EEF1E1: variants seen among roughly 807,000 people sequenced by gnomAD.
The protein encoded by EEF1E1 is eukaryotic translation elongation factor 1 epsilon 1.
EEF1E1 carries 19 observed loss-of-function variants against 19.9 expected under a neutral mutation model. The ratio of observed to expected loss-of-function variants is 0.95; its 90% CI spans 0.66 to 1.40. EEF1E1 has a LOEUF of 1.40. Among genes scored for constraint, EEF1E1 ranks in the 40% most tolerant of loss-of-function variants. EEF1E1 has a pLI of 0.00. For synonymous variants in EEF1E1, 81 were observed against 80.0 expected (o/e 1.01, Z -0.07); for missense variants, 198 against 202.2 (o/e 0.98, Z 0.13).
rs544763906 is a variant in EEF1E1 at position 8,097,541 on chromosome 6, C to T, written c.88-74G>A. ...CATGATTATAACTTCTAAGTAACCA[C>T]GAAATCCCTCAAGTGTTTTTTGAAA... is the stretch of plus-strand genomic sequence containing the variant. On this transcript the variant is annotated intron_variant, in intron 1 of 3. Transcript: ENST00000379715. The T allele has an allele frequency of 3.3e-5, 38 of 1,164,556 alleles. 1 individual carries two copies. The highest frequency in any genetic ancestry group is 2.0e-4 in the South Asian group (14 of 68,652). The allele number at this position is 1,164,556 out of a possible 1,614,324, so 72.1% of individuals were successfully genotyped here.
rs75397445 is a variant in EEF1E1 at position 8,087,860 on chromosome 6, G to A, written c.384+2326C>T. Among the ~76,000 whole-genome samples, 271 of 152,314 alleles carry A rather than the reference G, an allele frequency of 1.8e-3. 3 individuals are homozygous for A. The highest frequency in any genetic ancestry group is 6.3e-3 in the African/African-American group (260 of 41,568). On this transcript the variant is annotated intron_variant, in intron 3 of 3. Transcript: ENST00000379715. ...TCAGGATCTGATTGACTGGATGCATGAGGTGCACAATGCACAAAAACACAT... is the reference window on the plus strand; with the variant it reads ...TCAGGATCTGATTGACTGGATGCATAAGGTGCACAATGCACAAAAACACAT...
At chr6:8,083,461 A>G (rs757343360) in intron 3 of EEF1E1, among the ~76,000 whole-genome samples, 2 of 152,242 alleles carry the variant, frequency 1.3e-5, no homozygotes, top group Non-Finnish European at 2.9e-5. Flanking sequence ...ATCTTGAGTA[A>G]CAGTCTGTTC....
rs758701875 is a variant in EEF1E1, at chr6:8,102,543, A to C, written c.-22T>G. ...CCATCTTCCGGCCGTAGCTCCTGGC[A>C]GACGCGAGACCTGCAGAACAAGAAC... On this transcript the variant is annotated 5_prime_UTR_variant, in exon 1 of 4. Transcript: ENST00000379715. 37 of 1,606,808 alleles carry C rather than the reference A, an allele frequency of 2.3e-5. No homozygotes were observed. The highest frequency in any genetic ancestry group is 3.1e-5 in the Non-Finnish European group (36 of 1,179,438).
chr6:8,088,859 G>A (rs1465547072), intron 3 of EEF1E1, among the ~76,000 whole-genome samples: 3 of 152,036 alleles, frequency 2.0e-5, no homozygotes, highest in African/African-American at 7.3e-5. Context: ...ATGGAGGAAG[G>A]CTCGGTGATA....
chr6:8,092,486 A>G (rs989970897), intron 2 of EEF1E1, among the ~76,000 whole-genome samples: 6 of 152,192 alleles, frequency 3.9e-5, no homozygotes, highest in African/African-American at 1.4e-4. Flanking sequence ...ACAGTCAGTC[A>G]TTTTCAAAAT....
intron 3 of EEF1E1, among the ~76,000 whole-genome samples, chr6:8,074,345 G>A (rs940522452): frequency 5.3e-5 from 8 of 152,194 alleles, no homozygotes; most frequent in African/African-American, 1.9e-4. Flanking sequence ...ACTTTTCTCA[G>A]TCAGCTCAAA....
downstream of EEF1E1, among the ~76,000 whole-genome samples, chr6:8,075,451 T>C (rs916048721): frequency 3.3e-5 from 5 of 152,184 alleles, no homozygotes; most frequent in African/African-American, 1.2e-4. Context: ...TTGCACAAAT[T>C]TTTCAGTTCC....
At chr6:8,080,823 G>A (rs189466072) in intron 3 of EEF1E1, among the ~76,000 whole-genome samples, 47 of 152,326 alleles carry the variant, frequency 3.1e-4, no homozygotes, top group East Asian at 2.5e-3. Flanking sequence ...TTAACAGATA[G>A]TGCAAGTCTC....
chr6:8,095,496 C>T (rs1374817088), intron 2 of EEF1E1: 1 of 209,458 alleles, frequency 4.8e-6, no homozygotes, highest in Non-Finnish European at 1.0e-5. Context: ...GAGTGAGAAC[C>T]TGTGACAAAA....
At chr6:8,101,263 T>A (rs370548598) in intron 1 of EEF1E1, among the ~76,000 whole-genome samples, 7,041 of 87,052 alleles carry the variant, frequency 0.081, 883 homozygotes, top group Non-Finnish European at 0.11. Context: ...TATATATATA[T>A]ATATATATAT....
downstream of EEF1E1, among the ~76,000 whole-genome samples, chr6:8,077,159 T>A (rs145429080): frequency 2.2e-4 from 34 of 151,624 alleles, no homozygotes; most frequent in Admixed American, 8.5e-4. Context: ...TAGCCAGGAT[T>A]GTCTCGATCT....
downstream of EEF1E1, chr6:8,078,731 C>T (rs1282140074): frequency 7.8e-7 from 1 of 1,285,372 alleles, no homozygotes; most frequent in South Asian, 1.2e-5. Context: ...ACAAAACAAT[C>T]ATGATTTGCC....
intron 2 of EEF1E1, among the ~76,000 whole-genome samples, chr6:8,096,936 CA>C (rs1197458573): frequency 2.6e-5 from 4 of 151,026 alleles, no homozygotes; most frequent in African/African-American, 7.3e-5. Context: ...GGCATCACAT[CA>C]AAAAAACAAA....
At chr6:8,082,799 T>G (rs949267567) in intron 3 of EEF1E1, among the ~76,000 whole-genome samples, 7 of 152,238 alleles carry the variant, frequency 4.6e-5, no homozygotes, top group Admixed American at 4.6e-4. Context: ...TGAATGACCT[T>G]GACTTGTTAA....
rs1317290531 is a variant in EEF1E1 at position 8,092,868 on chromosome 6, GCTT to G, written c.289-2590_289-2588del. ...GTTTTGTGTTTTAGTGATAAAGACTGCTTTTTTTTTTTTTTTTTTTTTTTGAGA... is the reference window on the plus strand; with the variant it reads ...GTTTTGTGTTTTAGTGATAAAGACTGTTTTTTTTTTTTTTTTTTTTTGAGA... On this transcript the variant is annotated intron_variant, in intron 2 of 3. Coordinates refer to ENST00000379715, the MANE Select transcript of EEF1E1 (RefSeq NM_004280.5). Among the ~76,000 whole-genome samples, 25 of 108,196 alleles carry G rather than the reference GCTT, an allele frequency of 2.3e-4. 3 individuals are homozygous for G. The highest frequency in any genetic ancestry group is 4.0e-4 in the Admixed American group (4 of 9,896). 71.0% of individuals were successfully genotyped at this position (108,196 alleles called of 152,430 possible).
Position 8,097,423 on chromosome 6 carries a change from C to T in EEF1E1, c.132G>A (p.Leu44=). The T allele has an allele frequency of 6.2e-7, 1 of 1,614,046 alleles. No homozygotes were observed. Among genetic ancestry groups the T allele is most frequent in the Non-Finnish European group, 8.5e-7 (1 of 1,180,008 alleles). The change falls in exon 2 of 4, where the codon TTG becomes TTA. Residue 44 remains leucine, a synonymous_variant. Transcript: ENST00000379715. ...TGACTAGATGAGCTGCTATAGTAGT[C>T]AATCCTGTTAGACTTGGACCATTGT... The part of the protein sequence containing the change: ...QTNNGPSLTG[L]TTIAAHLVKQ...
chr6:8,093,324 CTTTTTTTTTTT>C (rs57000456), intron 2 of EEF1E1, among the ~76,000 whole-genome samples: 3 of 135,054 alleles, frequency 2.2e-5, no homozygotes, highest in Non-Finnish European at 4.7e-5. Flanking sequence ...CATTCGCTTC[CTTTTTTTTTTT>C]TTTTTTTTAC....
chr6:8,078,701 C>A, downstream of EEF1E1: 1 of 1,286,530 alleles, frequency 7.8e-7, no homozygotes, highest in Non-Finnish European at 1.0e-6. Context: ...GGGCCTGTTA[C>A]AATCCTCATT....
downstream of EEF1E1, chr6:8,078,500 C>T (rs1011311812): frequency 2.9e-5 from 9 of 309,220 alleles, no homozygotes; most frequent in Non-Finnish European, 4.6e-5. Flanking sequence ...TGAGAATTAC[C>T]AAAATGTGAC....
Sources: allele counts gnomAD v4.1 joint callset (sites outside exome capture counted in the v4.1 genomes callset), GRCh38; gene constraint gnomAD v4.1.1; transcripts MANE v1.5; gene names NCBI Gene and HGNC (gene_info 2026-07-23, HGNC 2026-07-21).